The following SLC15A4 variants were observed in gnomAD, a reference collection of about 807,000 sequenced individuals.
SLC15A4 encodes solute carrier family 15 member 4, also known as hPHT1.
In SLC15A4, 26 loss-of-function variants were observed where a neutral mutation model predicts 46.1. The observed-to-expected ratio is 0.56, with a 90% confidence interval of 0.41 to 0.78. SLC15A4 has a LOEUF of 0.78. Ranked by LOEUF, SLC15A4 falls within the 30% of genes least tolerant of loss-of-function variation. The pLI is 0.00. For synonymous variants in SLC15A4, 370 were observed against 333.4 expected, an observed-to-expected ratio of 1.11 and a Z score of -1.20; for missense variants, 751 against 755.7, an observed-to-expected ratio of 0.99 and a Z score of 0.07.
rs150411326 is a variant in SLC15A4, at chr12:128,796,279, G to T, written c.1574-1923C>A. ...TCTCTACTAAAAATACAAATAATTA[G>T]CCAGGCGTGGTGGCTGGCGCCTGTA... On this transcript the variant is annotated intron_variant, in intron 7 of 7. Transcript: ENST00000266771. Among the ~76,000 whole-genome samples, 338 of 152,070 alleles carry T rather than the reference G, an allele frequency of 2.2e-3. 1 individual carries two copies. Among genetic ancestry groups the T allele is most frequent in the Admixed American group, 4.5e-3 (69 of 15,260 alleles).
At chr12:128,808,163 A>T (rs959989) in intron 5 of SLC15A4, among the ~76,000 whole-genome samples, 14,424 of 152,296 alleles carry the variant, frequency 0.095, 931 homozygotes, top group Admixed American at 0.2. Flanking sequence ...CAAAAGATAA[A>T]CAACTCATTT....
Position 128,814,797 on chromosome 12 carries a change from T to C in SLC15A4, c.820A>G (p.Ser274Gly), listed in dbSNP as rs765047849. 7 of 1,614,014 alleles carry C rather than the reference T, an allele frequency of 4.3e-6. No homozygotes were observed. The East Asian group carries it at 1.6e-4, about 36-fold the overall frequency. ...LTYSCCSQKRSGERQSNGEGI... is the reference protein window; with the variant it reads ...LTYSCCSQKRGGERQSNGEGI... ...TACCCATTACTCTGGCGCTCTCCAC[T>C]TCGCTTCTGGGAACAGCAGGAATAC... Residue 274 changes from serine to glycine, a missense_variant, in exon 2 of 8, where the codon AGT becomes GGT. Ser to Gly is a moderately conservative substitution (Grantham distance 56). Transcript: ENST00000266771.
At chr12:128,812,083 C>G (rs57591256) in intron 2 of SLC15A4, among the ~76,000 whole-genome samples, 1 of 152,162 alleles carries the variant, frequency 6.6e-6, no homozygotes, top group Non-Finnish European at 1.5e-5. Flanking sequence ...CTGGTTCTCA[C>G]GGATTCCCAA....
chr12:128,808,885 C>G lies in SLC15A4; in HGVS notation c.1161G>C (p.Leu387=). Residue 387 remains leucine, a synonymous_variant, in exon 5 of 8, where the codon CTG becomes CTC. Coordinates refer to ENST00000266771, the MANE Select transcript of SLC15A4 (RefSeq NM_145648.4). The part of the protein sequence containing the change: ...ILLLIPLKDK[L]VDPILRRHGL... ...CATGTCTTCTCAAAATGGGATCGAC[C>G]AGTTTGTCCTTCAGAGGGATGAGCA... 1.2e-6 allele frequency: 2 copies of G among 1,614,148 alleles called. No homozygotes were observed. The highest frequency in any genetic ancestry group is 1.7e-6 in the Non-Finnish European group (2 of 1,180,002).
intron 7 of SLC15A4, among the ~76,000 whole-genome samples, chr12:128,795,034 T>C (rs1279534415): frequency 6.6e-6 from 1 of 152,164 alleles, no homozygotes; most frequent in African/African-American, 2.4e-5. Flanking sequence ...GATGCGAAGA[T>C]AACAAAAGAG....
At chr12:128,821,265 C>G (rs1200169859) in intron 1 of SLC15A4, among the ~76,000 whole-genome samples, 2 of 152,222 alleles carry the variant, frequency 1.3e-5, no homozygotes, top group Non-Finnish European at 2.9e-5. Flanking sequence ...CCATCCACTT[C>G]ACCCACCTCC....
At chr12:128,819,780 TG>T (rs1278991183) in intron 1 of SLC15A4, 2 of 152,252 alleles carry the variant, frequency 1.3e-5, no homozygotes, top group Non-Finnish European at 2.9e-5. Flanking sequence ...CATTTAATTA[TG>T]GATGAAAGAG....
At chr12:128,804,736 T>A (rs576484284) in intron 5 of SLC15A4, among the ~76,000 whole-genome samples, 126 of 152,188 alleles carry the variant, frequency 8.3e-4, no homozygotes, top group African/African-American at 3.0e-3. Flanking sequence ...GTCTTGAAAA[T>A]GAAAAAGTTA....
At chr12:128,804,516 G>T (rs890931468) in intron 5 of SLC15A4, among the ~76,000 whole-genome samples, 11 of 152,224 alleles carry the variant, frequency 7.2e-5, no homozygotes, top group Non-Finnish European at 1.5e-4. Context: ...CAGATCACAA[G>T]GTCAGGAGTT....
chr12:128,817,197 C>T (rs567125844), intron 1 of SLC15A4, among the ~76,000 whole-genome samples: 1 of 152,178 alleles, frequency 6.6e-6, no homozygotes, highest in African/African-American at 2.4e-5. Flanking sequence ...ATGCAGACAT[C>T]TCTACTGAAT....
chr12:128,809,520 CA>C, intron 3 of SLC15A4, 47 bp from the exon 4 acceptor site: 1 of 1,257,770 alleles, frequency 8.0e-7, no homozygotes, highest in Non-Finnish European at 1.1e-6. Context: ...ACTGTGCTCT[CA>C]AACACTCTAA....
intron 1 of SLC15A4, among the ~76,000 whole-genome samples, chr12:128,819,285 T>A (rs902219598): frequency 3.9e-5 from 6 of 151,994 alleles, no homozygotes; most frequent in Non-Finnish European, 8.8e-5. Flanking sequence ...ACACCTGTAG[T>A]CCCAGCTACT....
rs1364063409 is a variant in SLC15A4, at chr12:128,794,245, T to C, written c.1685A>G (p.Asp562Gly). Reference protein sequence around the residue: ...IISVKYDHHRDHQRSRANGVP... With the variant: ...IISVKYDHHRGHQRSRANGVP... ...GCCATTGGCTCTTGATCGCTGATGG[T>C]CTCGATGATGGTCATATTTCACAGA... The change falls in exon 8 of 8, where the codon GAC (aspartate) becomes GGC (glycine). Residue 562 changes from aspartate (D) to glycine (G), a missense_variant. Coordinates refer to ENST00000266771, the MANE Select transcript of SLC15A4 (RefSeq NM_145648.4). The C allele has an allele frequency of 1.9e-6, 3 of 1,613,772 alleles. No individual in the cohort carries two copies. Among genetic ancestry groups the C allele is most frequent in the Non-Finnish European group, 2.5e-6 (3 of 1,179,860 alleles).
Position 128,800,835 on chromosome 12 carries a change from C to T in SLC15A4, c.1414+19G>A, listed in dbSNP as rs746693545. On this transcript the variant is annotated intron_variant, in intron 6 of 7. Transcript: ENST00000266771. ...GCTTGTGCCTGGACTCAGACACCTC[C>T]GGCACTAAAGGTCCTCACCTGCGAT... The T allele has an allele frequency of 1.5e-5, 24 of 1,597,762 alleles. No individual in the cohort carries two copies. Among genetic ancestry groups the T allele is most frequent in the Admixed American group, 3.5e-5 (2 of 57,304 alleles).
intron 7 of SLC15A4, among the ~76,000 whole-genome samples, chr12:128,796,654 T>A (rs1174652290): frequency 2.0e-5 from 3 of 152,198 alleles, no homozygotes; most frequent in African/African-American, 4.8e-5. Flanking sequence ...CCAGGCTCTG[T>A]CCTGGGCACT....
At chr12:128,818,507 G>A (rs1048332449) in intron 1 of SLC15A4, among the ~76,000 whole-genome samples, 4 of 152,218 alleles carry the variant, frequency 2.6e-5, no homozygotes, top group African/African-American at 9.6e-5. Context: ...GCACACCTCA[G>A]GGTCCCCAGC....
rs115063788 is a variant in SLC15A4 at position 128,799,217 on chromosome 12, C to T, written c.1573+42G>A. ...ATCTCCTGAGTGCCTGCGCCTCCCC[C>T]TCACTGGCTATTTTCAAAAGGGACA... On this transcript the variant is annotated intron_variant, in intron 7 of 7. Coordinates refer to ENST00000266771, the MANE Select transcript of SLC15A4 (RefSeq NM_145648.4). 12 of 1,608,774 alleles carry T rather than the reference C, an allele frequency of 7.5e-6. No individual in the cohort carries two copies. The Middle Eastern group carries it at 5.0e-4, about 67-fold the overall frequency.
intron 1 of SLC15A4, among the ~76,000 whole-genome samples, chr12:128,822,545 A>T (rs997181915): frequency 2.0e-5 from 3 of 151,762 alleles, no homozygotes; most frequent in Admixed American, 6.6e-5. Context: ...TTTATTTTTT[A>T]TTTATTTATT....
intron 7 of SLC15A4, among the ~76,000 whole-genome samples, chr12:128,797,280 G>C (rs1955457305): frequency 6.6e-6 from 1 of 152,036 alleles, no homozygotes; most frequent in South Asian, 2.1e-4. Context: ...AAGTACAGGG[G>C]AGATGCTCAC....
Sources: gnomAD v4.1 joint callset for allele counts (sites outside exome capture counted in the v4.1 genomes callset) on GRCh38, gnomAD v4.1.1 for gene constraint, MANE v1.5 for transcripts, NCBI Gene and HGNC (gene_info 2026-07-23, HGNC 2026-07-21) for gene names.